Variants in KCNN2 observed in about 807,000 individuals in gnomAD.
KCNN2 encodes potassium calcium-activated channel subfamily N member 2.
Under a neutral mutation model 55.5 loss-of-function variants are expected in KCNN2, and 24 were observed. The ratio of observed to expected loss-of-function variants is 0.43; its 90% CI spans 0.31 to 0.61. KCNN2 has a LOEUF of 0.61. Among genes scored for constraint, KCNN2 ranks in the 20% least tolerant of loss-of-function variants. The pLI is 0.08. For missense variants in KCNN2, 754 were observed against 853.6 expected, an observed-to-expected ratio of 0.88 and a Z score of 1.45; for synonymous variants, 431 against 336.1, an observed-to-expected ratio of 1.28 and a Z score of -3.09.
rs180970833 is a variant in KCNN2, at chr5:114,436,799, A to G, written c.1638-26250A>G. Among the ~76,000 whole-genome samples, 129 of 152,340 alleles carry G rather than the reference A, an allele frequency of 8.5e-4. No individual in the cohort carries two copies. In the South Asian group the frequency reaches 9.9e-3, roughly 12 times the overall value. On this transcript the variant is annotated intron_variant, in intron 3 of 7. Transcript: ENST00000673685. Reference sequence around the variant, plus strand: ...AGAAGCTTTGAAACAGTGCTATCCAATAGAACTTTCTGCAGTGATGGCAGT... The same window carrying G: ...AGAAGCTTTGAAACAGTGCTATCCAGTAGAACTTTCTGCAGTGATGGCAGT...
chr5:114,381,320 A>G (rs547246530), intron 2 of KCNN2, among the ~76,000 whole-genome samples: 28 of 152,302 alleles, frequency 1.8e-4, no homozygotes, highest in Non-Finnish European at 2.1e-4. Context: ...GGTTGAAATC[A>G]TTGCAGGGCA....
At chr5:114,304,305 G>A (rs1201917282) in intron 2 of KCNN2, among the ~76,000 whole-genome samples, 4 of 152,118 alleles carry the variant, frequency 2.6e-5, no homozygotes, top group Non-Finnish European at 4.4e-5. Context: ...GAGAGTTGGT[G>A]CAAAAAAGGT....
At chr5:114,195,286 C>G (rs567117955) in intron 1 of KCNN2, among the ~76,000 whole-genome samples, 9 of 150,564 alleles carry the variant, frequency 6.0e-5, no homozygotes, top group Admixed American at 6.0e-4. Flanking sequence ...AGTAGTATTG[C>G]CAACTGAACA....
chr5:114,067,963 A>C (rs183228431), intron 1 of KCNN2, among the ~76,000 whole-genome samples: 1 of 152,352 alleles, frequency 6.6e-6, no homozygotes, highest in East Asian at 1.9e-4. Context: ...TTTACTTTAA[A>C]ATAAAATGGA....
At chr5:114,443,020 C>T (rs769122311) in intron 3 of KCNN2, among the ~76,000 whole-genome samples, 15 of 152,030 alleles carry the variant, frequency 9.9e-5, no homozygotes, top group Non-Finnish European at 2.1e-4. Context: ...AGGCCGGGTG[C>T]AGTGGCTCAA....
chr5:114,385,236 C>T (rs948935049), intron 2 of KCNN2, among the ~76,000 whole-genome samples: 1 of 152,052 alleles, frequency 6.6e-6, no homozygotes, highest in Non-Finnish European at 1.5e-5. Flanking sequence ...TTCCTTCCCT[C>T]CCTTTTGTTC....
chr5:114,291,338 C>T (rs4705658), intron 2 of KCNN2, among the ~76,000 whole-genome samples: 5 of 152,002 alleles, frequency 3.3e-5, no homozygotes, highest in East Asian at 1.9e-4. Flanking sequence ...ATCCCTCCCC[C>T]CTCTCCTCAC....
chr5:114,156,004 A>G (rs1752625737), intron 1 of KCNN2, among the ~76,000 whole-genome samples: 1 of 152,074 alleles, frequency 6.6e-6, no homozygotes, highest in South Asian at 2.1e-4. Flanking sequence ...CAGCATTTTT[A>G]TAGTTTTGGG....
rs1754605015 is a variant in KCNN2 at position 114,240,915 on chromosome 5, C to A, written c.-185+19350C>A. Among the ~76,000 whole-genome samples, 5 of 152,054 alleles carry A rather than the reference C, an allele frequency of 3.3e-5. No homozygotes were observed. The South Asian group carries it at 1.0e-3, about 32-fold the overall frequency. On this transcript the variant is annotated intron_variant, in intron 2 of 10. Coordinates refer to the KCNN2 transcript ENST00000512097. ...ATTATCTGCTAATAATGAAATTACA[C>A]AAGAGGATTTATTAACTCTCAGGCA...
chr5:114,205,708 A>T (rs1054657319), intron 1 of KCNN2, among the ~76,000 whole-genome samples: 2 of 152,250 alleles, frequency 1.3e-5, no homozygotes, highest in Admixed American at 6.5e-5. Flanking sequence ...GCAGTGAATA[A>T]TTAAATATGT....
intron 1 of KCNN2, among the ~76,000 whole-genome samples, chr5:114,100,096 A>G (rs964945562): frequency 1.3e-5 from 2 of 152,078 alleles, no homozygotes; most frequent in Non-Finnish European, 2.9e-5. Flanking sequence ...GTGGATGAAA[A>G]CAGTAGAAAG....
At chr5:114,485,705 C>CA (rs1762409813) in intron 5 of KCNN2, among the ~76,000 whole-genome samples, 1 of 152,062 alleles carries the variant, frequency 6.6e-6, no homozygotes, top group South Asian at 2.1e-4. Context: ...AATAGATATC[C>CA]AAAGGCAGTG....
chr5:114,345,517 C>A (rs1002273289), intron 2 of KCNN2, among the ~76,000 whole-genome samples: 5 of 152,032 alleles, frequency 3.3e-5, no homozygotes, highest in African/African-American at 7.2e-5. Flanking sequence ...AAATAAAAAT[C>A]GAAATCAAAT....
At chr5:114,178,886 A>C (rs1352881815) in intron 1 of KCNN2, among the ~76,000 whole-genome samples, 1 of 152,204 alleles carries the variant, frequency 6.6e-6, no homozygotes, top group Non-Finnish European at 1.5e-5. Context: ...CTGGCAAGTA[A>C]ATTAGCTTTC....
At chr5:114,278,582 G>C (rs1302757928) in intron 2 of KCNN2, among the ~76,000 whole-genome samples, 2 of 152,176 alleles carry the variant, frequency 1.3e-5, no homozygotes, top group African/African-American at 4.8e-5. Flanking sequence ...AATGGCAGAC[G>C]CCCCTTCCCC....
chr5:114,475,642 T>C (rs1469752585), intron 5 of KCNN2, among the ~76,000 whole-genome samples: 1 of 151,964 alleles, frequency 6.6e-6, no homozygotes, highest in Non-Finnish European at 1.5e-5. Flanking sequence ...TTTAAGCTTT[T>C]CCAGTACTGA....
intron 6 of KCNN2, 115 bp downstream of exon 6, chr5:114,487,292 C>A: frequency 1.1e-6 from 1 of 912,682 alleles, no homozygotes. Context: ...ATGTTTATTC[C>A]CAGAAGATGT....
intron 1 of KCNN2, among the ~76,000 whole-genome samples, chr5:114,152,901 T>C (rs4615290): frequency 0.4 from 60,509 of 151,754 alleles, 12,360 homozygotes; most frequent in East Asian, 0.72. Context: ...GAAAGGGAAA[T>C]AGGATGAGGC....
At chr5:114,204,965 T>A (rs1488850301) in intron 1 of KCNN2, among the ~76,000 whole-genome samples, 2 of 152,202 alleles carry the variant, frequency 1.3e-5, no homozygotes, top group Admixed American at 1.3e-4. Context: ...GCTGAATATG[T>A]GAATAATGAG....
Sources: gnomAD v4.1 joint callset for allele counts (sites outside exome capture counted in the v4.1 genomes callset) on GRCh38, gnomAD v4.1.1 for gene constraint, MANE v1.5 for transcripts, NCBI Gene and HGNC (gene_info 2026-07-23, HGNC 2026-07-21) for gene names.